The following QKI variants were observed in gnomAD, a reference collection of about 807,000 sequenced individuals.
QKI encodes KH domain-containing RNA-binding protein QKI.
A neutral mutation model predicts 39.0 loss-of-function variants in QKI; 10 were observed. The observed-to-expected ratio is 0.26, with a 90% CI of 0.16 to 0.43. The LOEUF is 0.43. Among genes scored for constraint, QKI ranks in the 20% least tolerant of loss-of-function variants. The pLI, the probability that QKI is intolerant of heterozygous loss-of-function variation, is 1.00. For synonymous variants in QKI, 204 were observed against 155.4 expected, an observed-to-expected ratio of 1.31 and a Z score of -2.33; for missense variants, 218 against 428.0, an observed-to-expected ratio of 0.51 and a Z score of 4.33.
At chr6:163,538,666 C>T (rs931518352) in intron 4 of QKI, among the ~76,000 whole-genome samples, 1 of 152,134 alleles carries the variant, frequency 6.6e-6, no homozygotes, top group African/African-American at 2.4e-5. Context: ...CAGCTGCTGG[C>T]CTGAGAATAG....
intron 1 of QKI, among the ~76,000 whole-genome samples, chr6:163,453,154 C>T (rs1392760675): frequency 7.0e-6 from 1 of 143,290 alleles, no homozygotes; most frequent in Non-Finnish European, 1.5e-5. Flanking sequence ...ATTTTTTCTT[C>T]CCTAGATTTA....
chr6:163,543,741 C>CCCAT (rs1394922525), intron 4 of QKI, among the ~76,000 whole-genome samples: 1 of 151,948 alleles, frequency 6.6e-6, no homozygotes, highest in Non-Finnish European at 1.5e-5. Context: ...GATCCATGTT[C>CCCAT]CCATGCAGGC....
At chr6:163,472,814 C>T (rs992091180) in intron 2 of QKI, among the ~76,000 whole-genome samples, 2 of 152,016 alleles carry the variant, frequency 1.3e-5, no homozygotes, top group Non-Finnish European at 2.9e-5. Flanking sequence ...GAAACTGCTC[C>T]CTATCTGAAT....
intron 1 of QKI, among the ~76,000 whole-genome samples, chr6:163,434,404 A>G (rs1789080407): frequency 6.6e-6 from 1 of 152,226 alleles, no homozygotes; most frequent in Non-Finnish European, 1.5e-5. Context: ...TTACTTGAAA[A>G]TAAGATATTT....
intron 3 of QKI, among the ~76,000 whole-genome samples, chr6:163,488,973 CTTTTT>C (rs767477914): frequency 8.2e-6 from 1 of 122,122 alleles, no homozygotes; most frequent in Admixed American, 8.0e-5. Context: ...CCTTCCATTT[CTTTTT>C]TTTTTTTTTT....
intron 3 of QKI, among the ~76,000 whole-genome samples, chr6:163,513,746 G>A (rs2128235716): frequency 6.6e-6 from 1 of 152,274 alleles, no homozygotes; most frequent in African/African-American, 2.4e-5. Context: ...AAGCGCCTAA[G>A]ATTTTTATCT....
chr6:163,451,073 T>G (rs1478086959), intron 1 of QKI, among the ~76,000 whole-genome samples: 1 of 152,174 alleles, frequency 6.6e-6, no homozygotes, highest in Non-Finnish European at 1.5e-5. Context: ...TAGATTAATA[T>G]CAGTCTGCTG....
In QKI at chr6:163,414,965, C is replaced by T; in HGVS notation, c.-229C>T. 1 of 198,982 alleles carries T rather than the reference C, an allele frequency of 5.0e-6. No individual in the cohort carries two copies. 12.3% of individuals were successfully genotyped at this position (198,982 alleles called of 1,614,324 possible). A position where few individuals can be genotyped will look rare whatever the true frequency, so the allele number is the denominator to read the frequency against. ...ACGCGCCGAGCCGGGCGGCCGAGAG[C>T]GGCGGCGGCTGGGAGCGCGTCGGGC... On this transcript the variant is annotated 5_prime_UTR_variant, in exon 1 of 8. Coordinates refer to ENST00000361752, the MANE Select transcript of QKI (RefSeq NM_006775.3).
chr6:163,426,484 C>A (rs933230049), intron 1 of QKI, among the ~76,000 whole-genome samples: 3 of 152,036 alleles, frequency 2.0e-5, no homozygotes, highest in African/African-American at 7.2e-5. Flanking sequence ...ATAGATGGAT[C>A]CTTGTACTTT....
chr6:163,446,239 ATAAG>A, intron 1 of QKI, among the ~76,000 whole-genome samples: 1 of 152,182 alleles, frequency 6.6e-6, no homozygotes, highest in East Asian at 1.9e-4. Flanking sequence ...CTATCACTAT[ATAAG>A]TAAAAACTTT....
At chr6:163,542,574 A>G (rs991929162) in intron 4 of QKI, among the ~76,000 whole-genome samples, 22 of 152,212 alleles carry the variant, frequency 1.4e-4, no homozygotes, top group Admixed American at 1.2e-3. Flanking sequence ...AAGTGATTTC[A>G]GGCAACTGAA....
At chr6:163,543,275 G>A (rs545643052) in intron 4 of QKI, among the ~76,000 whole-genome samples, 123 of 152,106 alleles carry the variant, frequency 8.1e-4, no homozygotes, top group Non-Finnish European at 1.4e-3. Context: ...ATTTTATTGG[G>A]AGAGAAGGAG....
intron 2 of QKI, among the ~76,000 whole-genome samples, chr6:163,460,361 TTG>T (rs1791257285): frequency 6.6e-6 from 1 of 152,186 alleles, no homozygotes; most frequent in Admixed American, 6.5e-5. Context: ...TTTTCAAGGA[TTG>T]TGTTTTCAGC....
rs1783683214 is a variant in QKI at position 163,571,213 on chromosome 6, A to T, written c.*503A>T. 6.6e-6 allele frequency: 1 copy of T among 152,324 alleles called. No individual in the cohort carries two copies. The allele number at this position is 152,324 out of a possible 1,614,324, so 9.4% of individuals were successfully genotyped here. On this transcript the variant is annotated 3_prime_UTR_variant, in exon 8 of 8. Coordinates refer to ENST00000361752, the MANE Select transcript of QKI (RefSeq NM_006775.3). ...GGGATATCATTGGTGAAGTGATTTC[A>T]AAAAGTATTCAAAATTTGATATGCT...
At chr6:163,513,548 G>GA (rs1469291346) in intron 3 of QKI, among the ~76,000 whole-genome samples, 1 of 152,140 alleles carries the variant, frequency 6.6e-6, no homozygotes, top group Admixed American at 6.5e-5. Flanking sequence ...ATTAATTAGT[G>GA]AATGCCTAAG....
At chr6:163,552,225 T>TG in intron 4 of QKI, among the ~76,000 whole-genome samples, 1 of 147,900 alleles carries the variant, frequency 6.8e-6, no homozygotes, top group Non-Finnish European at 1.5e-5. Context: ...TTTTTTTTTT[T>TG]TTTGACAGAG....
chr6:163,429,408 T>C (rs928651487), intron 1 of QKI, among the ~76,000 whole-genome samples: 1 of 152,088 alleles, frequency 6.6e-6, no homozygotes, highest in Non-Finnish European at 1.5e-5. Flanking sequence ...AAAAATTATA[T>C]CATGAGCAAA....
At chr6:163,429,682 G>T (rs973829606) in intron 1 of QKI, among the ~76,000 whole-genome samples, 1 of 152,100 alleles carries the variant, frequency 6.6e-6, no homozygotes, top group Non-Finnish European at 1.5e-5. Context: ...ATTTTATGTT[G>T]CATTGCAGTA....
At chr6:163,482,694 G>A (rs1314728787) in intron 3 of QKI, among the ~76,000 whole-genome samples, 2 of 152,282 alleles carry the variant, frequency 1.3e-5, no homozygotes, top group African/African-American at 4.8e-5. Context: ...AAGATGCATA[G>A]GGCAAGACAT....
Sources: gnomAD v4.1 joint callset for allele counts (sites outside exome capture counted in the v4.1 genomes callset) on GRCh38, gnomAD v4.1.1 for gene constraint, MANE v1.5 for transcripts, NCBI Gene and HGNC (gene_info 2026-07-23, HGNC 2026-07-21) for gene names.